Variants in CCDC85A observed in about 807,000 individuals in gnomAD.
The protein encoded by CCDC85A is coiled-coil domain-containing protein 85A.
In CCDC85A, 38 loss-of-function variants were observed where a neutral mutation model predicts 50.2. The ratio of observed to expected loss-of-function variants is 0.76; its 90% confidence interval spans 0.58 to 0.99. CCDC85A has a LOEUF of 0.99. Among genes scored for constraint, CCDC85A ranks in the 50% least tolerant of loss-of-function variants. CCDC85A has a pLI of 0.00. For synonymous variants in CCDC85A, 366 were observed against 301.4 expected, an observed-to-expected ratio of 1.21 and a Z score of -2.22; for missense variants, 820 against 742.0, an observed-to-expected ratio of 1.11 and a Z score of -1.22.
intron 2 of CCDC85A, among the ~76,000 whole-genome samples, chr2:56,277,111 C>G (rs1484265583): frequency 6.6e-6 from 1 of 152,138 alleles, no homozygotes; most frequent in Non-Finnish European, 1.5e-5. Context: ...TGACTTTTTT[C>G]ATTCTTTCAC....
intron 2 of CCDC85A, among the ~76,000 whole-genome samples, chr2:56,247,395 A>G (rs536514258): frequency 2.6e-5 from 4 of 152,300 alleles, no homozygotes; most frequent in Non-Finnish European, 5.9e-5. Context: ...CTTGAAAGAT[A>G]TATTTTCCTT....
intron 2 of CCDC85A, among the ~76,000 whole-genome samples, chr2:56,196,369 C>G (rs1676519132): frequency 6.6e-6 from 1 of 152,186 alleles, no homozygotes; most frequent in Admixed American, 6.5e-5. Context: ...AGGCATTTGT[C>G]CATTCATTCA....
intron 2 of CCDC85A, among the ~76,000 whole-genome samples, chr2:56,314,570 A>G (rs932185484): frequency 1.3e-5 from 2 of 152,100 alleles, no homozygotes; most frequent in Non-Finnish European, 2.9e-5. Context: ...ATAGCCAGTG[A>G]TGCACTATGA....
chr2:56,352,495 G>A (rs6756427), intron 3 of CCDC85A, among the ~76,000 whole-genome samples: 29,647 of 151,800 alleles, frequency 0.2, 3,049 homozygotes, highest in Admixed American at 0.26. Flanking sequence ...ACAGGCACGC[G>A]CCACCACGCC....
intron 2 of CCDC85A, among the ~76,000 whole-genome samples, chr2:56,295,815 A>G (rs2111473): frequency 1.3e-5 from 2 of 152,086 alleles, no homozygotes; most frequent in African/African-American, 4.8e-5. Flanking sequence ...CCCTATCATA[A>G]CAGCTTCTGG....
In CCDC85A at chr2:56,212,289, A is replaced by G. The variant is rs566314393; in HGVS notation, c.1240+18849A>G. On this transcript the variant is annotated intron_variant, in intron 2 of 5. Coordinates refer to ENST00000407595, the MANE Select transcript of CCDC85A (RefSeq NM_001080433.2). ...CTGTGTATCTTCCCAATTCTAATTC[A>G]GATTTTTTGAGAGTAGAAGCCATCT... Among the ~76,000 whole-genome samples, 441 of 152,188 alleles carry G rather than the reference A, an allele frequency of 2.9e-3. 7 individuals are homozygous for G. The highest frequency in any genetic ancestry group is 1.0e-3 in the Non-Finnish European group (69 of 67,966).
At chr2:56,237,935 A>G (rs1257665769) in intron 2 of CCDC85A, among the ~76,000 whole-genome samples, 1 of 152,104 alleles carries the variant, frequency 6.6e-6, no homozygotes, top group Non-Finnish European at 1.5e-5. Flanking sequence ...TTGTATCCTC[A>G]TGGTAACTTT....
At chr2:56,195,393 A>G (rs148035712) in intron 2 of CCDC85A, among the ~76,000 whole-genome samples, 8 of 152,364 alleles carry the variant, frequency 5.3e-5, no homozygotes, top group African/African-American at 1.9e-4. Context: ...AAACTGATGT[A>G]ATAGAATGAT....
intron 2 of CCDC85A, among the ~76,000 whole-genome samples, chr2:56,303,085 C>A (rs191582820): frequency 1.3e-5 from 2 of 152,174 alleles, no homozygotes; most frequent in Non-Finnish European, 2.9e-5. Flanking sequence ...AATGGACTTG[C>A]TGATTTCTCC....
Position 56,285,385 on chromosome 2 carries a change from T to G in CCDC85A, c.1241-57494T>G, listed in dbSNP as rs533613998. Among the ~76,000 whole-genome samples, 3 of 150,018 alleles carry G rather than the reference T, an allele frequency of 2.0e-5. No individual in the cohort carries two copies. In the South Asian group the frequency reaches 6.3e-4, roughly 31 times the overall value. ...TCCCAGAGTGCTGGGATTATAGGCG[T>G]GAGCCAACACACCTGGCCGAGTACA... On this transcript the variant is annotated intron_variant, in intron 2 of 5. Transcript: ENST00000407595.
chr2:56,250,273 AT>A (rs1669695761), intron 2 of CCDC85A, among the ~76,000 whole-genome samples: 1 of 152,236 alleles, frequency 6.6e-6, no homozygotes, highest in African/African-American at 2.4e-5. Flanking sequence ...AGCATGAGCA[AT>A]AAAAATGTGC....
At chr2:56,345,536 C>T (rs1000105128) in intron 3 of CCDC85A, among the ~76,000 whole-genome samples, 6 of 152,128 alleles carry the variant, frequency 3.9e-5, no homozygotes, top group African/African-American at 1.2e-4. Context: ...ATTTCTATAT[C>T]AGAGAGTGGT....
At chr2:56,309,524 A>G (rs1672595878) in intron 2 of CCDC85A, among the ~76,000 whole-genome samples, 1 of 152,168 alleles carries the variant, frequency 6.6e-6, no homozygotes, top group South Asian at 2.1e-4. Context: ...ATGTGACAAG[A>G]TTGTGTATAG....
chr2:56,358,961 A>ATTTTTTTTTTT (rs1247665108), intron 3 of CCDC85A, among the ~76,000 whole-genome samples: 2 of 35,762 alleles, frequency 5.6e-5, no homozygotes, highest in African/African-American at 5.9e-5. Context: ...ATTTTTTTGT[A>ATTTTTTTTTTT]TTTTTTTTTT....
At chr2:56,271,798 A>T (rs1050898330) in intron 2 of CCDC85A, among the ~76,000 whole-genome samples, 1 of 152,176 alleles carries the variant, frequency 6.6e-6, no homozygotes. Flanking sequence ...GGCTGCTTAG[A>T]GTAAGCTCAG....
At chr2:56,215,962 G>T (rs1677377052) in intron 2 of CCDC85A, among the ~76,000 whole-genome samples, 1 of 151,844 alleles carries the variant, frequency 6.6e-6, no homozygotes, top group Admixed American at 6.6e-5. Flanking sequence ...AAGTGTAATT[G>T]GAACACAGCC....
At position 56,258,955 on chromosome 2, in the gene CCDC85A, T is replaced by G. The variant is rs147396302; in HGVS notation, c.1240+65515T>G. Among the ~76,000 whole-genome samples, 7 of 152,248 alleles carry G rather than the reference T, an allele frequency of 4.6e-5. No individual in the cohort carries two copies. In the East Asian group the frequency reaches 1.4e-3, roughly 29 times the overall value. ...TGGAGCTAAGGCTTTTGAGAAAGTT[T>G]AGGATAATTGCTGAAGGTCGGGTGA... On this transcript the variant is annotated intron_variant, in intron 2 of 5. Coordinates refer to ENST00000407595, the MANE Select transcript of CCDC85A (RefSeq NM_001080433.2).
chr2:56,373,731 G>T (rs559678612), intron 4 of CCDC85A, among the ~76,000 whole-genome samples: 1 of 152,178 alleles, frequency 6.6e-6, no homozygotes, highest in Non-Finnish European at 1.5e-5. Flanking sequence ...AGGAAATATG[G>T]CACTGCAATG....
At chr2:56,304,909 AAAC>A (rs1221620959) in intron 2 of CCDC85A, among the ~76,000 whole-genome samples, 3 of 145,724 alleles carry the variant, frequency 2.1e-5, no homozygotes, top group Admixed American at 7.0e-5. Context: ...AAAAAACAAA[AAAC>A]AAAAAACAAA....
Sources: gnomAD v4.1 joint callset for allele counts (sites outside exome capture counted in the v4.1 genomes callset) on GRCh38, gnomAD v4.1.1 for gene constraint, MANE v1.5 for transcripts, NCBI Gene and HGNC (gene_info 2026-07-23, HGNC 2026-07-21) for gene names.